Variants in SEC31A observed in about 807,000 individuals in gnomAD.
SEC31A encodes protein transport protein Sec31A.
In SEC31A, 70 loss-of-function variants were observed where a neutral mutation model predicts 151.0. The observed-to-expected ratio is 0.46, with a 90% CI of 0.38 to 0.57. The LOEUF is 0.57. Ranked by LOEUF, SEC31A falls within the 20% of genes least tolerant of loss-of-function variation. The pLI, the probability that SEC31A is intolerant of heterozygous loss-of-function variation, is 0.00. For missense variants in SEC31A, 1,330 were observed against 1,471.2 expected (o/e 0.90, Z 1.57); for synonymous variants, 475 against 505.9 (o/e 0.94, Z 0.82).
chr4:82,845,266 A>G (rs1389104071), intron 20 of SEC31A: 1 of 1,532,500 alleles, frequency 6.5e-7, no homozygotes, highest in Non-Finnish European at 8.7e-7. Flanking sequence ...TTGTTACTCC[A>G]GGTAGTGACA....
chr4:82,845,396 G>A, intron 20 of SEC31A: 1 of 564,946 alleles, frequency 1.8e-6, no homozygotes, highest in Non-Finnish European at 2.8e-6. Flanking sequence ...CAAAGCCAAA[G>A]GTAAGATTGG....
At chr4:82,828,669 A>G (rs867215620) in intron 23 of SEC31A, among the ~76,000 whole-genome samples, 3 of 97,936 alleles carry the variant, frequency 3.1e-5, no homozygotes, top group African/African-American at 1.0e-4. Flanking sequence ...AGACCAAAGT[A>G]ACTCAAAAAA....
rs114139319 is a variant in SEC31A at position 82,855,463 on chromosome 4, C to T, written c.1882-434G>A. ...CATGCAATGAGTGAGGGAGGAACTA[C>T]AAGGCAGCCACTGTGGCTAAAAGAT... On this transcript the variant is annotated intron_variant, in intron 16 of 26. Coordinates refer to ENST00000395310, the MANE Select transcript of SEC31A (RefSeq NM_001077207.4). 1.0e-3 allele frequency among the ~76,000 whole-genome samples: 158 copies of T among 152,286 alleles called. 1 individual carries two copies. The highest frequency in any genetic ancestry group is 3.6e-3 in the African/African-American group (151 of 41,562).
At chr4:82,858,236 C>T (rs1224522835) in intron 14 of SEC31A, among the ~76,000 whole-genome samples, 1 of 151,946 alleles carries the variant, frequency 6.6e-6, no homozygotes, top group African/African-American at 2.4e-5. Context: ...CATGGTGAAA[C>T]CCCGTCTCTA....
chr4:82,879,800 G>A (rs1431609743), intron 3 of SEC31A, among the ~76,000 whole-genome samples: 8 of 151,994 alleles, frequency 5.3e-5, no homozygotes, highest in Non-Finnish European at 1.2e-4. Flanking sequence ...ATTACAATAG[G>A]GCATAAGTAC....
In SEC31A at chr4:82,848,873, C is replaced by T; in HGVS notation, c.2433G>A (p.Lys811=). ...GGCCAGCAACTGGTCCAGGCCTGCC[C>T]TTGGGGAGCTGCTGTTTCTCGTACG... ...KIPYEKQQLP[K]GRPGPVAGHH... The change falls in exon 20 of 27, where the codon AAG becomes AAA. Residue 811 remains lysine, a synonymous_variant. Transcript: ENST00000395310. The T allele has an allele frequency of 6.2e-7, 1 of 1,614,090 alleles. No individual in the cohort carries two copies. Among genetic ancestry groups the T allele is most frequent in the Non-Finnish European group, 8.5e-7 (1 of 1,179,998 alleles).
chr4:82,827,319 T>C, intron 24 of SEC31A, 50 bp downstream of exon 24: 1 of 1,566,184 alleles, frequency 6.4e-7, no homozygotes, highest in Non-Finnish European at 8.7e-7. Flanking sequence ...AAAGAAAATA[T>C]ACTGAAACAC....
chr4:82,858,529 C>A (rs1445908175), intron 14 of SEC31A, among the ~76,000 whole-genome samples: 1 of 96,908 alleles, frequency 1.0e-5, no homozygotes, highest in African/African-American at 4.1e-5. Context: ...GGCGACAGAG[C>A]GAGACTCTGT....
intron 14 of SEC31A, among the ~76,000 whole-genome samples, chr4:82,858,300 C>T (rs1488004602): frequency 1.3e-5 from 2 of 151,510 alleles, no homozygotes. Context: ...AATCACAGCA[C>T]TTTGGGAGGC....
chr4:82,889,423 C>G (rs1167396741), intron 1 of SEC31A, among the ~76,000 whole-genome samples: 1 of 151,730 alleles, frequency 6.6e-6, no homozygotes, highest in Non-Finnish European at 1.5e-5. Flanking sequence ...GCGCCACGTG[C>G]ATATTCCTAG....
intron 1 of SEC31A, among the ~76,000 whole-genome samples, chr4:82,884,072 C>T (rs188247943): frequency 2.0e-5 from 3 of 147,404 alleles, no homozygotes; most frequent in Non-Finnish European, 3.0e-5. Flanking sequence ...ACTGCAACGT[C>T]TGCCTCCGGG....
intron 4 of SEC31A, among the ~76,000 whole-genome samples, chr4:82,876,238 G>A (rs917692060): frequency 1.1e-4 from 17 of 151,666 alleles, no homozygotes; most frequent in Non-Finnish European, 2.1e-4. Context: ...AGCCTCCCGA[G>A]TAGCTAGGAT....
In SEC31A at chr4:82,838,396, C is replaced by G. The variant is rs944488843; in HGVS notation, c.2968+3744G>C. ...AAAACAGGGAAAACTCCCTGCTATC[C>G]TGTGCTGCCATCACAGAAACGGCAA... On this transcript the variant is annotated intron_variant, in intron 22 of 26. Transcript: ENST00000395310. 5.9e-4 allele frequency among the ~76,000 whole-genome samples: 90 copies of G among 152,186 alleles called. 1 individual carries two copies. The highest frequency in any genetic ancestry group is 1.5e-4 in the Non-Finnish European group (10 of 68,042).
intron 21 of SEC31A, among the ~76,000 whole-genome samples, chr4:82,843,023 C>G (rs1363537704): frequency 6.6e-6 from 1 of 152,132 alleles, no homozygotes; most frequent in South Asian, 2.1e-4. Context: ...TCTATGATCC[C>G]TAACAAAATT....
rs747030120 is a variant in SEC31A at position 82,863,370 on chromosome 4, C to T, written c.1457G>A (p.Arg486His). The part of the protein sequence containing the change: ...FLKVNFEDDS[R>H]GKYLELLGYR... The stretch of plus-strand genomic sequence containing the variant: ...TCCTAGAAGTTCAAGGTATTTTCCA[C>T]GAGAATCATCCTCAAAGTTTACCTT... The change falls in exon 12 of 27, where the codon CGT becomes CAT. Residue 486 changes from arginine (R) to histidine (H), a missense_variant. Coordinates refer to ENST00000395310, the MANE Select transcript of SEC31A (RefSeq NM_001077207.4). The T allele has an allele frequency of 4.5e-5, 71 of 1,576,386 alleles. No homozygotes were observed. The Admixed American group carries it at 4.6e-4, about 10-fold the overall frequency.
chr4:82,862,411 C>T, intron 13 of SEC31A, 123 bp downstream of exon 13: 1 of 660,876 alleles, frequency 1.5e-6, no homozygotes, highest in Non-Finnish European at 2.6e-6. Context: ...ATTAAAATAT[C>T]TAGAATAAGC....
At chr4:82,835,778 G>A (rs1217838293) in intron 22 of SEC31A, among the ~76,000 whole-genome samples, 1 of 152,074 alleles carries the variant, frequency 6.6e-6, no homozygotes, top group Admixed American at 6.6e-5. Flanking sequence ...CTGAGTGACG[G>A]AGTGGAACAA....
chr4:82,839,545 CA>C (rs1728270569), intron 22 of SEC31A, among the ~76,000 whole-genome samples: 1 of 152,220 alleles, frequency 6.6e-6, no homozygotes, highest in Non-Finnish European at 1.5e-5. Context: ...CTCGGCCTCC[CA>C]AAGTGGCAGG....
chr4:82,835,687 T>TG (rs1727045868), intron 22 of SEC31A, among the ~76,000 whole-genome samples: 1 of 151,972 alleles, frequency 6.6e-6, no homozygotes, highest in Admixed American at 6.6e-5. Context: ...TCCAGCTACT[T>TG]GGGATGCTGA....
Sources: gnomAD v4.1 joint callset for allele counts (sites outside exome capture counted in the v4.1 genomes callset) on GRCh38, gnomAD v4.1.1 for gene constraint, MANE v1.5 for transcripts, NCBI Gene and HGNC (gene_info 2026-07-23, HGNC 2026-07-21) for gene names.